The following NRG1 variants were observed in gnomAD, a reference collection of about 807,000 sequenced individuals.
The protein encoded by NRG1 is neuregulin 1.
NRG1 carries 18 observed loss-of-function variants against 63.8 expected under a neutral mutation model. The ratio of observed to expected loss-of-function variants is 0.28; its 90% CI spans 0.19 to 0.42. The LOEUF is 0.42. NRG1 is among the 10% of genes least tolerant of loss of function. The probability of loss-of-function intolerance (pLI) is 1.00; values close to 1 mark genes in which losing one functional copy is unlikely to be tolerated. For synonymous variants in NRG1, 302 were observed against 301.3 expected, an observed-to-expected ratio of 1.00 and a Z score of -0.02; for missense variants, 762 against 814.7, an observed-to-expected ratio of 0.94 and a Z score of 0.79.
intron 5 of NRG1, among the ~76,000 whole-genome samples, chr8:32,671,047 C>A (rs537997077): frequency 6.6e-6 from 1 of 151,852 alleles, no homozygotes; most frequent in East Asian, 1.9e-4. Flanking sequence ...GACTAGCAGA[C>A]AACACACATA....
intron 1 of NRG1, among the ~76,000 whole-genome samples, chr8:31,680,602 C>T (rs939094579): frequency 4.7e-5 from 7 of 150,074 alleles, no homozygotes; most frequent in African/African-American, 1.2e-4. Flanking sequence ...AACAAACATA[C>T]GTGTGCATGT....
chr8:32,492,878 G>T (rs1269958998), intron 1 of NRG1, among the ~76,000 whole-genome samples: 2 of 151,950 alleles, frequency 1.3e-5, no homozygotes, highest in East Asian at 3.9e-4. Flanking sequence ...GGAGGCTGGG[G>T]GGTTAAATTC....
chr8:32,720,252 G>A (rs1393434996), intron 5 of NRG1, among the ~76,000 whole-genome samples: 1 of 152,080 alleles, frequency 6.6e-6, no homozygotes, highest in Non-Finnish European at 1.5e-5. Flanking sequence ...TGACTAGTTT[G>A]GAAAGTGACA....
At position 32,087,633 on chromosome 8, in the gene NRG1, G is replaced by A. The variant is rs997237093; in HGVS notation, c.37+448202G>A. 2.0e-5 allele frequency among the ~76,000 whole-genome samples: 3 copies of A among 151,876 alleles called. No homozygotes were observed. The East Asian group carries it at 5.8e-4, about 30-fold the overall frequency. On this transcript the variant is annotated intron_variant, in intron 1 of 10. Transcript: ENST00000519301. ...CTACAGGTGCGTGTGCCCACGCCCA[G>A]CTAATTTTTGTATTTTTGGTAGAGA...
chr8:31,928,759 A>C lies in NRG1; in HGVS notation c.37+289328A>C, dbSNP rs538077349. Among the ~76,000 whole-genome samples, 4 of 152,306 alleles carry C rather than the reference A, an allele frequency of 2.6e-5. No individual in the cohort carries two copies. The East Asian group carries it at 7.7e-4, about 29-fold the overall frequency. ...GAACTAGAGGCCATTATTCTAAATAAAGTATTTCAGGAATCAAAAATCAGA... is the reference window on the plus strand; with the variant it reads ...GAACTAGAGGCCATTATTCTAAATACAGTATTTCAGGAATCAAAAATCAGA... On this transcript the variant is annotated intron_variant, in intron 1 of 10. Transcript: ENST00000519301.
intron 1 of NRG1, among the ~76,000 whole-genome samples, chr8:32,122,018 G>C (rs1164730714): frequency 6.6e-6 from 1 of 151,796 alleles, no homozygotes; most frequent in East Asian, 1.9e-4. Context: ...TTATTGATTT[G>C]TCTTTTTCTT....
intron 1 of NRG1, among the ~76,000 whole-genome samples, chr8:32,344,415 ATGCATG>A (rs1443200753): frequency 4.3e-5 from 1 of 23,526 alleles, no homozygotes; most frequent in Admixed American, 3.8e-4. Context: ...GCATGCGTGC[ATGCATG>A]TGTGTGTGTG....
intron 1 of NRG1, among the ~76,000 whole-genome samples, chr8:31,714,117 A>C (rs1812113044): frequency 1.3e-5 from 2 of 152,208 alleles, no homozygotes; most frequent in South Asian, 4.1e-4. Flanking sequence ...GTACAATATC[A>C]GTTGCCTTTG....
chr8:32,190,780 A>G (rs908053719), intron 1 of NRG1, among the ~76,000 whole-genome samples: 2 of 152,180 alleles, frequency 1.3e-5, no homozygotes, highest in Admixed American at 1.3e-4. Context: ...GAGATGAAGG[A>G]TAGTTTATTG....
chr8:32,434,046 C>T (rs879355567), intron 1 of NRG1, among the ~76,000 whole-genome samples: 13 of 151,834 alleles, frequency 8.6e-5, no homozygotes, highest in East Asian at 1.9e-4. Context: ...ATTAGCTGGG[C>T]GTGGTGGCAC....
exon 12 of NRG1, chr8:32,764,275 T>C: frequency 6.2e-7 from 1 of 1,614,094 alleles, no homozygotes; most frequent in Non-Finnish European, 8.5e-7. Flanking sequence ...GCAGCCAGTC[T>C]TGAGGCAACA....
intron 1 of NRG1, among the ~76,000 whole-genome samples, chr8:32,000,535 G>A (rs963655147): frequency 2.0e-5 from 3 of 151,692 alleles, no homozygotes; most frequent in African/African-American, 7.3e-5. Flanking sequence ...CCAAAGTACT[G>A]GGATTACAGG....
chr8:31,639,479 C>A, intron 1 of NRG1: 1 of 1,530,872 alleles, frequency 6.5e-7, no homozygotes, highest in Non-Finnish European at 8.7e-7. Context: ...CGCGGCCACC[C>A]AGCGATTTCC....
At chr8:32,159,605 C>T (rs147700374) in intron 1 of NRG1, among the ~76,000 whole-genome samples, 408 of 148,936 alleles carry the variant, frequency 2.7e-3, no homozygotes, top group African/African-American at 9.5e-3. Flanking sequence ...TTTCCTCTAA[C>T]ATTTATCCCA....
chr8:32,186,783 C>T (rs1842018275), intron 1 of NRG1, among the ~76,000 whole-genome samples: 1 of 152,180 alleles, frequency 6.6e-6, no homozygotes, highest in Non-Finnish European at 1.5e-5. Context: ...CTGCTATGAT[C>T]ATCTTAATCT....
chr8:32,202,426 C>T (rs1287103752), intron 1 of NRG1, among the ~76,000 whole-genome samples: 4 of 152,100 alleles, frequency 2.6e-5, no homozygotes, highest in Admixed American at 6.6e-5. Flanking sequence ...TGGGCTCCAG[C>T]CCCACAGTGG....
At chr8:32,571,455 A>G (rs1838566959) in intron 1 of NRG1, among the ~76,000 whole-genome samples, 2 of 152,192 alleles carry the variant, frequency 1.3e-5, no homozygotes, top group Admixed American at 1.3e-4. Flanking sequence ...GTTGACGTTC[A>G]GGTTTTAGCT....
intron 1 of NRG1, among the ~76,000 whole-genome samples, chr8:31,950,266 G>A (rs991595612): frequency 6.6e-6 from 1 of 152,228 alleles, no homozygotes; most frequent in Non-Finnish European, 1.5e-5. Flanking sequence ...ACAAATGCCT[G>A]TTAGTGTAAT....
intron 1 of NRG1, among the ~76,000 whole-genome samples, chr8:32,400,607 G>A (rs562853864): frequency 1.4e-4 from 22 of 152,210 alleles, no homozygotes; most frequent in African/African-American, 4.1e-4. Context: ...ACCATTTCAC[G>A]CCAGTCAGAA....
Sources: allele counts gnomAD v4.1 joint callset (sites outside exome capture counted in the v4.1 genomes callset), GRCh38; gene constraint gnomAD v4.1.1; transcripts MANE v1.5; gene names NCBI Gene and HGNC (gene_info 2026-07-23, HGNC 2026-07-21).